The following SLC16A4 variants were observed in gnomAD, a reference collection of about 807,000 sequenced individuals.
The protein encoded by SLC16A4 is solute carrier family 16 member 4.
In SLC16A4, 39 loss-of-function variants were observed where a neutral mutation model predicts 47.9. The ratio of observed to expected loss-of-function variants is 0.81; its 90% CI spans 0.63 to 1.06. The LOEUF is 1.06. Among genes scored for constraint, SLC16A4 ranks in the 50% least tolerant of loss-of-function variants. The pLI is 0.00. For missense variants in SLC16A4, 524 were observed against 573.8 expected, an observed-to-expected ratio of 0.91 and a Z score of 0.89; for synonymous variants, 189 against 199.9, an observed-to-expected ratio of 0.95 and a Z score of 0.46.
chr1:110,378,891 A>T lies in SLC16A4; in HGVS notation c.992T>A (p.Ile331Asn), dbSNP rs749016973. 2 of 1,613,916 alleles carry T rather than the reference A, an allele frequency of 1.2e-6. No homozygotes were observed. Among genetic ancestry groups the T allele is most frequent in the African/African-American group, 2.7e-5 (2 of 74,922 alleles). ...AAGGTAAGAGGCATCCATGATGTCA[A>T]TCCCCAGTGTTTTGGCTCTGGCTAC... is the stretch of plus-strand genomic sequence containing the variant. ...HLVARAKTLGIDIMDASYLVS... is the reference protein window; with the variant it reads ...HLVARAKTLGNDIMDASYLVS... The change falls in exon 6 of 9, where the codon ATT becomes AAT. Residue 331 changes from isoleucine to asparagine, a missense_variant. By Grantham distance (149) the Ile-to-Asn change is moderately radical. Coordinates refer to ENST00000369779, the MANE Select transcript of SLC16A4 (RefSeq NM_004696.3).
In SLC16A4 at chr1:110,380,981, C is replaced by T; in HGVS notation, c.526+1G>A. The T allele has an allele frequency of 6.2e-7, 1 of 1,613,238 alleles. No homozygotes were observed. The highest frequency in any genetic ancestry group is 8.5e-7 in the Non-Finnish European group (1 of 1,179,260). On this transcript the variant is annotated splice_donor_variant, in intron 5 of 8. Coordinates refer to ENST00000369779, the MANE Select transcript of SLC16A4 (RefSeq NM_004696.3). LOFTEE classifies it high-confidence loss of function. ...TAGTAAATAAACTTAGAATGACGTA[C>T]CTGTCCAGTCATACAGATCTATCAG...
In SLC16A4 at chr1:110,375,513, C is replaced by T; in HGVS notation, c.1281G>A (p.Leu427=). 2 of 1,612,968 alleles carry T rather than the reference C, an allele frequency of 1.2e-6. No homozygotes were observed. The highest frequency in any genetic ancestry group is 1.7e-6 in the Non-Finnish European group (2 of 1,179,024). Residue 427 remains leucine (L), a synonymous_variant, in exon 8 of 9, where the codon TTG becomes TTA. Coordinates refer to ENST00000369779, the MANE Select transcript of SLC16A4 (RefSeq NM_004696.3). Reference sequence around the variant, plus strand: ...TCCCAGCAAAGAAACTGGCAAGTCCCAAAAACCTGTTTACTGTAGAATTCC... The same window carrying T: ...TCCCAGCAAAGAAACTGGCAAGTCCTAAAAACCTGTTTACTGTAGAATTCC... ...LCRNSTVNRF[L]GLASFFAGMA...
At chr1:110,386,595 C>T (rs936793985) in intron 2 of SLC16A4, among the ~76,000 whole-genome samples, 1 of 152,170 alleles carries the variant, frequency 6.6e-6, no homozygotes, top group African/African-American at 2.4e-5. Context: ...ACCCCACCTC[C>T]AATAAGAGCT....
rs534826638 is a variant in SLC16A4 at position 110,385,104 on chromosome 1, C to T, written c.88-2138G>A. Among the ~76,000 whole-genome samples, 7 of 152,286 alleles carry T rather than the reference C, an allele frequency of 4.6e-5. No individual in the cohort carries two copies. In the South Asian group the frequency reaches 8.3e-4, roughly 18 times the overall value. ...GCCTGTTACAGTTCTGTACTCATCTCGCTTGATATCTGCTCCCTGGACAAT... is the reference window on the plus strand; with the variant it reads ...GCCTGTTACAGTTCTGTACTCATCTTGCTTGATATCTGCTCCCTGGACAAT... On this transcript the variant is annotated intron_variant, in intron 2 of 8. Coordinates refer to ENST00000369779, the MANE Select transcript of SLC16A4 (RefSeq NM_004696.3).
chr1:110,384,731 C>A (rs1186006918), intron 2 of SLC16A4, among the ~76,000 whole-genome samples: 2 of 152,202 alleles, frequency 1.3e-5, no homozygotes, highest in Non-Finnish European at 2.9e-5. Context: ...ACAAAACCAG[C>A]TGGGCATGGA....
intron 2 of SLC16A4, among the ~76,000 whole-genome samples, chr1:110,386,842 T>C (rs1662760790): frequency 6.6e-6 from 1 of 152,220 alleles, no homozygotes; most frequent in African/African-American, 2.4e-5. Flanking sequence ...CACTGAAAAC[T>C]AAAGTTCACT....
At chr1:110,366,050 A>T (rs113300388) in intron 8 of SLC16A4, among the ~76,000 whole-genome samples, 8,253 of 151,422 alleles carry the variant, frequency 0.055, 323 homozygotes, top group East Asian at 0.15. Context: ...TGGCCTCCCA[A>T]AGTGCTGGGA....
intron 2 of SLC16A4, among the ~76,000 whole-genome samples, chr1:110,383,984 A>G (rs1662596348): frequency 1.3e-5 from 2 of 152,092 alleles, no homozygotes; most frequent in South Asian, 4.1e-4. Flanking sequence ...TGTCACTGTA[A>G]TAATTTTCTC....
chr1:110,370,575 C>T (rs970841596), intron 8 of SLC16A4: 1 of 149,092 alleles, frequency 6.7e-6, no homozygotes, highest in Non-Finnish European at 1.5e-5. Context: ...TATATTTTAG[C>T]ACTTACCTTT....
At position 110,379,174 on chromosome 1, in the gene SLC16A4, T is replaced by C. The variant is rs1662205896; in HGVS notation, c.709A>G (p.Ile237Val). Residue 237 changes from isoleucine to valine, a missense_variant, in exon 6 of 9, where the codon ATC (isoleucine) becomes GTC (valine). Physicochemically the swap from Ile to Val is conservative, Grantham distance 29. Coordinates refer to ENST00000369779, the MANE Select transcript of SLC16A4 (RefSeq NM_004696.3). ...GCCTTCTGCGTAGTACTGTCCTTGA[T>C]GGTAGACTCTTCTGTCTCATGGCAG... ...THCHETEEST[I>V]KDSTTQKAGL... 5 of 1,614,248 alleles carry C rather than the reference T, an allele frequency of 3.1e-6. No individual in the cohort carries two copies. The highest frequency in any genetic ancestry group is 2.5e-6 in the Non-Finnish European group (3 of 1,180,042).
intron 3 of SLC16A4, among the ~76,000 whole-genome samples, chr1:110,382,241 C>T (rs1324901077): frequency 6.6e-6 from 1 of 152,116 alleles, no homozygotes; most frequent in Non-Finnish European, 1.5e-5. Flanking sequence ...GGCAGATCAC[C>T]TGAGGTCTGG....
intron 3 of SLC16A4, 77 bp from the exon 4 acceptor site, chr1:110,381,872 G>T: frequency 7.7e-7 from 1 of 1,301,774 alleles, no homozygotes; most frequent in South Asian, 1.3e-5. Context: ...CGATTTAAAT[G>T]AATGACAAGG....
rs773824305 is a variant in SLC16A4 at position 110,377,063 on chromosome 1, C to T, written c.1129G>A (p.Gly377Ser). The T allele has an allele frequency of 7.2e-5, 117 of 1,613,896 alleles. No homozygotes were observed. Among genetic ancestry groups the T allele is most frequent in the Non-Finnish European group, 9.4e-5 (111 of 1,179,992 alleles). ...HYHKSYLILC[G>S]ITNLLAPLAT... ...AAAGGAGCAAGCAGGTTAGTGATGC[C>T]GCAGAGGATGAGGTAAGACTTGTGG... Residue 377 changes from glycine (G) to serine (S), a missense_variant, in exon 7 of 9, where the codon GGC becomes AGC. Coordinates refer to ENST00000369779, the MANE Select transcript of SLC16A4 (RefSeq NM_004696.3).
At chr1:110,367,320 C>A (rs964462639) in intron 8 of SLC16A4, among the ~76,000 whole-genome samples, 7 of 151,862 alleles carry the variant, frequency 4.6e-5, no homozygotes, top group Non-Finnish European at 1.0e-4. Flanking sequence ...GTGGTGAGAC[C>A]CTATCTCTAC....
At chr1:110,365,264 G>A (rs1406295818) in intron 8 of SLC16A4, among the ~76,000 whole-genome samples, 1 of 151,882 alleles carries the variant, frequency 6.6e-6, no homozygotes, top group African/African-American at 2.4e-5. Context: ...CTTAGATCAT[G>A]ATGCCTCACT....
At chr1:110,366,578 C>T (rs945080233) in intron 8 of SLC16A4, among the ~76,000 whole-genome samples, 2 of 152,118 alleles carry the variant, frequency 1.3e-5, no homozygotes, top group Non-Finnish European at 2.9e-5. Context: ...TTTGGATACA[C>T]GAGTATCTTT....
At chr1:110,378,749 A>G in intron 6 of SLC16A4, 104 bp downstream of exon 6, 1 of 1,439,526 alleles carries the variant, frequency 6.9e-7, no homozygotes, top group Non-Finnish European at 9.3e-7. Flanking sequence ...GCCCTTCTAC[A>G]ATTCCTCTTT....
rs115866365 is a variant in SLC16A4 at position 110,362,995 on chromosome 1, C to G, written c.*771G>C. On this transcript the variant is annotated 3_prime_UTR_variant, in exon 9 of 9. Transcript: ENST00000369779. ...AAAGAAAGTAAGGATTACCTTTAATCAATAAACAAAGATAAACTTTTGGAG... is the reference window on the plus strand; with the variant it reads ...AAAGAAAGTAAGGATTACCTTTAATGAATAAACAAAGATAAACTTTTGGAG... 481 of 152,098 alleles carry G rather than the reference C, an allele frequency of 3.2e-3. 4 individuals are homozygous for G. The highest frequency in any genetic ancestry group is 0.011 in the African/African-American group (457 of 41,474). The allele number at this position is 152,098 out of a possible 1,614,324, so 9.4% of individuals were successfully genotyped here.
At position 110,381,174 on chromosome 1, in the gene SLC16A4, C is replaced by G. The variant is rs746188124; in HGVS notation, c.365-31G>C. The G allele has an allele frequency of 3.1e-6, 5 of 1,600,848 alleles. No individual in the cohort carries two copies. The Admixed American group carries it at 6.7e-5, about 22-fold the overall frequency. On this transcript the variant is annotated intron_variant, in intron 4 of 8. Coordinates refer to ENST00000369779, the MANE Select transcript of SLC16A4 (RefSeq NM_004696.3). ...AGAAAAACGTAATAGTTTAGAATCA[C>G]TCTTACATTAAGTGGCTTGGTAACA...
Sources: gnomAD v4.1 joint callset for allele counts (sites outside exome capture counted in the v4.1 genomes callset) on GRCh38, gnomAD v4.1.1 for gene constraint, MANE v1.5 for transcripts, NCBI Gene and HGNC (gene_info 2026-07-23, HGNC 2026-07-21) for gene names.